NEDD4L: variants seen among roughly 807,000 people sequenced by gnomAD.
The protein encoded by NEDD4L is E3 ubiquitin-protein ligase NEDD4-like.
NEDD4L carries 54 observed loss-of-function variants against 148.9 expected under a neutral mutation model. The observed-to-expected ratio is 0.36, with a 90% confidence interval of 0.29 to 0.45. The LOEUF (loss-of-function observed/expected upper bound fraction) is 0.45, where lower values mean the gene tolerates loss of function less well. NEDD4L is among the 20% of genes least tolerant of loss of function. The pLI is 1.00. For missense variants in NEDD4L, 856 were observed against 1,233.8 expected (o/e 0.69, Z 4.59); for synonymous variants, 433 against 440.7 (o/e 0.98, Z 0.22).
intron 1 of NEDD4L, among the ~76,000 whole-genome samples, chr18:58,095,881 A>G (rs1345651301): frequency 2.6e-5 from 4 of 152,030 alleles, no homozygotes; most frequent in African/African-American, 9.7e-5. Flanking sequence ...ACCCAACACA[A>G]ATTCGTAAGC....
At chr18:58,105,354 T>A (rs1443056331) in intron 1 of NEDD4L, among the ~76,000 whole-genome samples, 1 of 152,198 alleles carries the variant, frequency 6.6e-6, no homozygotes, top group East Asian at 1.9e-4. Flanking sequence ...AGGCCGTGCT[T>A]GCATGACAGT....
intron 25 of NEDD4L, 77 bp from the exon 26 acceptor site, chr18:58,385,449 C>A: frequency 8.7e-7 from 1 of 1,148,386 alleles, no homozygotes; most frequent in Non-Finnish European, 1.3e-6. Flanking sequence ...GGAGGAGAAG[C>A]ACTCCCTGTT....
chr18:58,241,596 A>G (rs902367823), intron 2 of NEDD4L, among the ~76,000 whole-genome samples: 13 of 150,570 alleles, frequency 8.6e-5, no homozygotes, highest in African/African-American at 3.3e-4. Flanking sequence ...GGGTGGGGCC[A>G]GGTACCCAGA....
At chr18:58,285,101 A>G (rs2053695082) in intron 5 of NEDD4L, among the ~76,000 whole-genome samples, 1 of 152,202 alleles carries the variant, frequency 6.6e-6, no homozygotes, top group African/African-American at 2.4e-5. Flanking sequence ...ACTGCCAGAG[A>G]AGAAGAGGTG....
intron 1 of NEDD4L, among the ~76,000 whole-genome samples, chr18:58,087,240 A>G (rs1428797375): frequency 2.6e-5 from 4 of 152,218 alleles, no homozygotes; most frequent in Non-Finnish European, 4.4e-5. Flanking sequence ...CATCTCCCAC[A>G]TTGTAGCAGG....
At chr18:58,321,024 C>T (rs1601197042) in intron 6 of NEDD4L, among the ~76,000 whole-genome samples, 2 of 152,218 alleles carry the variant, frequency 1.3e-5, no homozygotes, top group South Asian at 4.2e-4. Context: ...TTGAGAGCCT[C>T]CATAGTTTAC....
intron 24 of NEDD4L, among the ~76,000 whole-genome samples, chr18:58,375,932 A>G (rs1169891921): frequency 6.6e-6 from 1 of 152,222 alleles, no homozygotes. Context: ...ACGATTAGAC[A>G]TGGTTAGTCA....
chr18:58,114,059 GT>G (rs1285445008), intron 1 of NEDD4L, among the ~76,000 whole-genome samples: 1 of 152,104 alleles, frequency 6.6e-6, no homozygotes, highest in Non-Finnish European at 1.5e-5. Flanking sequence ...CTCCTTTAAT[GT>G]TTTTTTGTGT....
intron 9 of NEDD4L, among the ~76,000 whole-genome samples, chr18:58,325,801 G>A (rs1201377511): frequency 6.6e-6 from 1 of 152,068 alleles, no homozygotes; most frequent in Non-Finnish European, 1.5e-5. Context: ...AATAAACACT[G>A]GTTAAAACTC....
intron 1 of NEDD4L, among the ~76,000 whole-genome samples, chr18:58,093,664 G>C (rs1265823674): frequency 6.6e-6 from 1 of 152,144 alleles, no homozygotes; most frequent in Non-Finnish European, 1.5e-5. Flanking sequence ...TCTTATATTT[G>C]CTACGTGCTC....
At chr18:58,394,563 C>T (rs1278131763) in intron 30 of NEDD4L, among the ~76,000 whole-genome samples, 1 of 152,202 alleles carries the variant, frequency 6.6e-6, no homozygotes, top group Non-Finnish European at 1.5e-5. Context: ...GAAGTCCTGT[C>T]TTTATTAATA....
At chr18:58,063,834 G>A (rs900409296) in intron 1 of NEDD4L, among the ~76,000 whole-genome samples, 2 of 151,928 alleles carry the variant, frequency 1.3e-5, no homozygotes, top group South Asian at 2.1e-4. Context: ...GATTACAGGC[G>A]TGAGCCACTG....
At chr18:58,237,674 T>C (rs115085090) in intron 2 of NEDD4L, among the ~76,000 whole-genome samples, 2,341 of 152,340 alleles carry the variant, frequency 0.015, 66 homozygotes, top group African/African-American at 0.053. Context: ...AATATTTTTA[T>C]TAGCACATAT....
Position 58,184,820 on chromosome 18 carries a change from T to A in NEDD4L, c.122+18959T>A, listed in dbSNP as rs930845172. On this transcript the variant is annotated intron_variant, in intron 2 of 30. Coordinates refer to ENST00000400345, the MANE Select transcript of NEDD4L (RefSeq NM_001144967.3). ...GCGGGCGCCTGTAGTCCCAGCTACT[T>A]GGGAGGCTGAAGCAGGAGAATGGCG... Among the ~76,000 whole-genome samples the A allele has an allele frequency of 5.3e-5, 8 of 151,564 alleles. No homozygotes were observed. The East Asian group carries it at 1.6e-3, about 30-fold the overall frequency.
At chr18:58,268,786 T>A (rs1470648187) in intron 5 of NEDD4L, among the ~76,000 whole-genome samples, 2 of 152,116 alleles carry the variant, frequency 1.3e-5, no homozygotes, top group Non-Finnish European at 2.9e-5. Flanking sequence ...AGCCAGTTTA[T>A]CCTCAGGCTT....
intron 16 of NEDD4L, among the ~76,000 whole-genome samples, chr18:58,343,311 G>A (rs1443033972): frequency 6.6e-6 from 1 of 152,152 alleles, no homozygotes; most frequent in Non-Finnish European, 1.5e-5. Flanking sequence ...TTTGGTATTG[G>A]TGCTGGGACT....
intron 5 of NEDD4L, among the ~76,000 whole-genome samples, chr18:58,254,820 T>C (rs753613128): frequency 8.1e-4 from 123 of 152,214 alleles, no homozygotes; most frequent in Non-Finnish European, 1.2e-3. Flanking sequence ...ACTGGTTGTG[T>C]AGCAAGTCGG....
intron 2 of NEDD4L, among the ~76,000 whole-genome samples, chr18:58,186,097 G>A (rs2319609): frequency 0.26 from 37,362 of 143,750 alleles, 4,824 homozygotes; most frequent in East Asian, 0.41. Flanking sequence ...AGAAGGATAC[G>A]TATGCACACG....
At chr18:58,350,662 A>C (rs575554980) in intron 17 of NEDD4L, among the ~76,000 whole-genome samples, 29 of 152,314 alleles carry the variant, frequency 1.9e-4, no homozygotes, top group Admixed American at 1.6e-3. Context: ...TTTAGTACTC[A>C]GTATTTATTT....
Sources: allele counts gnomAD v4.1 joint callset (sites outside exome capture counted in the v4.1 genomes callset), GRCh38; gene constraint gnomAD v4.1.1; transcripts MANE v1.5; gene names NCBI Gene and HGNC (gene_info 2026-07-23, HGNC 2026-07-21).